The following UPP2 variants were observed in gnomAD, a reference collection of about 807,000 sequenced individuals.
UPP2 encodes UPase 2.
UPP2 carries 23 observed loss-of-function variants against 26.7 expected under a neutral mutation model. The observed-to-expected ratio is 0.86, with a 90% CI of 0.62 to 1.22. UPP2 has a LOEUF of 1.22. UPP2 is among the 50% of genes most tolerant of loss of function. UPP2 has a pLI of 0.00. For synonymous variants in UPP2, 127 were observed against 141.3 expected, an observed-to-expected ratio of 0.90 and a Z score of 0.72; for missense variants, 387 against 396.7, an observed-to-expected ratio of 0.98 and a Z score of 0.21.
upstream of UPP2, among the ~76,000 whole-genome samples, chr2:158,099,773 T>C (rs968272911): frequency 1.3e-5 from 2 of 152,082 alleles, no homozygotes; most frequent in African/African-American, 4.8e-5. Flanking sequence ...TGTAATGGAA[T>C]TGAGAATGTA....
intron 3 of UPP2, among the ~76,000 whole-genome samples, chr2:158,074,355 A>G (rs1223120689): frequency 6.6e-6 from 1 of 152,208 alleles, no homozygotes; most frequent in Non-Finnish European, 1.5e-5. Flanking sequence ...AATAATAGCT[A>G]TAACACCTTT....
chr2:158,132,471 T>C (rs910740114), intron 6 of UPP2, among the ~76,000 whole-genome samples: 3 of 152,108 alleles, frequency 2.0e-5, no homozygotes, highest in Admixed American at 1.3e-4. Flanking sequence ...TAATCATCTG[T>C]CGAAAGAGGA....
chr2:158,107,372 T>C (rs1158302608), intron 2 of UPP2, among the ~76,000 whole-genome samples: 1 of 152,196 alleles, frequency 6.6e-6, no homozygotes, highest in Non-Finnish European at 1.5e-5. Context: ...ATTAACTCTC[T>C]CCATAAAACA....
chr2:158,003,186 G>A lies in UPP2; in HGVS notation c.61+7927G>A, dbSNP rs560446294. Among the ~76,000 whole-genome samples, 4 of 152,218 alleles carry A rather than the reference G, an allele frequency of 2.6e-5. No homozygotes were observed. The South Asian group carries it at 8.3e-4, about 32-fold the overall frequency. ...TCAGGGAGGTCCTGACACAGAGAAA[G>A]AAGGACTTTTGTGTTGGTGGAGGTG... On this transcript the variant is annotated intron_variant, in intron 2 of 9. Coordinates refer to the UPP2 transcript ENST00000605860.
rs770249334 is a variant in UPP2, at chr2:158,123,890, T to G, written c.806T>G (p.Leu269Arg). The change falls in exon 6 of 7, where the codon CTA becomes CGA. Residue 269 changes from leucine to arginine, a missense_variant. Transcript: ENST00000005756. ...VFAAMCGLCG[L>R]KAAVVCVTLL... ...GCAGCTATGTGTGGACTCTGTGGTC[T>G]AAAAGGTAAGCTTTTCGTGAATGCT... The G allele has an allele frequency of 6.2e-7, 1 of 1,613,308 alleles. No homozygotes were observed. The highest frequency in any genetic ancestry group is 1.7e-5 in the Admixed American group (1 of 59,890).
In UPP2 at chr2:158,133,089, T is replaced by C. The variant is rs372801954; in HGVS notation, c.812-1659T>C. 4.1e-4 allele frequency among the ~76,000 whole-genome samples: 62 copies of C among 152,340 alleles called. 1 individual carries two copies. The South Asian group carries it at 0.012, about 31-fold the overall frequency. On this transcript the variant is annotated intron_variant, in intron 6 of 6. Coordinates refer to ENST00000005756, the MANE Select transcript of UPP2 (RefSeq NM_173355.4). ...CTCTCCCAAGTTTGTTGCAGCATTA[T>C]TCACAACAGCCAAGATATGGAATCA...
intron 2 of UPP2, among the ~76,000 whole-genome samples, chr2:158,107,694 T>A (rs918790119): frequency 6.6e-6 from 1 of 151,778 alleles, no homozygotes; most frequent in Admixed American, 6.6e-5. Flanking sequence ...TGAGAAGAAA[T>A]AGATCTATTA....
intron 3 of UPP2, among the ~76,000 whole-genome samples, chr2:158,049,663 G>T (rs998109532): frequency 6.6e-6 from 1 of 152,166 alleles, no homozygotes; most frequent in Non-Finnish European, 1.5e-5. Flanking sequence ...ACTCTGCGGG[G>T]AGGAGGAGCG....
chr2:158,083,792 G>GTA lies in UPP2; in HGVS notation c.148-18237_148-18236dup, dbSNP rs745830748. ...TTTTTATGGCTTAGTATTCCATGGT[G>GTA]TATATATATATACATATATATATAT... is the stretch of plus-strand genomic sequence containing the variant. On this transcript the variant is annotated intron_variant, in intron 3 of 9. Coordinates refer to the UPP2 transcript ENST00000605860. Among the ~76,000 whole-genome samples, 574 of 147,986 alleles carry GTA rather than the reference G, an allele frequency of 3.9e-3. 2 individuals carry two copies. The highest frequency in any genetic ancestry group is 7.0e-3 in the Non-Finnish European group (473 of 67,268).
intron 3 of UPP2, among the ~76,000 whole-genome samples, chr2:158,022,457 CA>C (rs11385969): frequency 0.092 from 8,118 of 87,804 alleles, 277 homozygotes; most frequent in East Asian, 0.24. Flanking sequence ...AGACTTGTCT[CA>C]AAAAAAAAAA....
chr2:158,106,353 C>A (rs1437416510), intron 2 of UPP2, 137 bp downstream of exon 2: 28 of 688,460 alleles, frequency 4.1e-5, no homozygotes, highest in Admixed American at 1.0e-4. Context: ...TTCTCTGAAA[C>A]AATTTGGAAT....
intron 3 of UPP2, among the ~76,000 whole-genome samples, chr2:158,029,048 G>A (rs77915019): frequency 0.15 from 23,341 of 152,078 alleles, 3,037 homozygotes; most frequent in African/African-American, 0.35. Context: ...CTGTTCACTC[G>A]CCCCTCATTC....
At chr2:158,015,282 T>C (rs1683640286) in intron 2 of UPP2, among the ~76,000 whole-genome samples, 1 of 152,242 alleles carries the variant, frequency 6.6e-6, no homozygotes, top group Non-Finnish European at 1.5e-5. Flanking sequence ...CTACTTTCTG[T>C]TTCTATGAAT....
intron 3 of UPP2, among the ~76,000 whole-genome samples, chr2:158,045,114 T>C (rs1574260969): frequency 1.3e-5 from 2 of 152,194 alleles, no homozygotes; most frequent in Non-Finnish European, 2.9e-5. Context: ...TGAAACCCCC[T>C]TGTCCCTTGA....
chr2:158,129,233 A>C (rs1683759221), intron 6 of UPP2, among the ~76,000 whole-genome samples: 1 of 151,784 alleles, frequency 6.6e-6, no homozygotes, highest in Non-Finnish European at 1.5e-5. Context: ...GGCTATCTGG[A>C]TTCCCCTGGT....
At chr2:158,071,770 G>A (rs1431004067) in intron 3 of UPP2, among the ~76,000 whole-genome samples, 1 of 151,922 alleles carries the variant, frequency 6.6e-6, no homozygotes, top group Non-Finnish European at 1.5e-5. Context: ...GTCCTGGCAG[G>A]ATTCATCATC....
chr2:158,122,635 C>G (rs1683594962), intron 5 of UPP2, among the ~76,000 whole-genome samples: 1 of 151,270 alleles, frequency 6.6e-6, no homozygotes. Context: ...AATTATTTTG[C>G]CAACATTTAC....
At chr2:158,115,335 T>C (rs1683407010) in intron 3 of UPP2, 76 bp downstream of exon 3, 3 of 1,474,470 alleles carry the variant, frequency 2.0e-6, no homozygotes, top group Non-Finnish European at 2.7e-6. Flanking sequence ...ATGTAGGAGT[T>C]CTTTTTCCCT....
At chr2:158,116,164 C>T (rs1358228878) in intron 3 of UPP2, among the ~76,000 whole-genome samples, 1 of 152,192 alleles carries the variant, frequency 6.6e-6, no homozygotes, top group Non-Finnish European at 1.5e-5. Context: ...AAATTGCTCT[C>T]CTCTCTGGGC....
Sources: allele counts gnomAD v4.1 joint callset (sites outside exome capture counted in the v4.1 genomes callset), GRCh38; gene constraint gnomAD v4.1.1; transcripts MANE v1.5; gene names NCBI Gene and HGNC (gene_info 2026-07-23, HGNC 2026-07-21).